EIF4EBP2: variants seen among roughly 807,000 people sequenced by gnomAD.
EIF4EBP2 encodes eukaryotic translation initiation factor 4E-binding protein 2.
In EIF4EBP2, 5 loss-of-function variants were observed where a neutral mutation model predicts 10.3. The observed-to-expected ratio is 0.48, with a 90% CI of 0.25 to 1.02. The LOEUF is 1.02. Ranked by LOEUF, EIF4EBP2 falls within the 50% of genes least tolerant of loss-of-function variation. The pLI, the probability that EIF4EBP2 is intolerant of heterozygous loss-of-function variation, is 0.15. For synonymous variants in EIF4EBP2, 67 were observed against 61.1 expected (o/e 1.10, Z -0.45); for missense variants, 188 against 162.2 (o/e 1.16, Z -0.86).
chr10:70,404,375 C>G lies in EIF4EBP2; in HGVS notation c.-27C>G. ...CCGCCGCCGCCGCCTGCCCGCCGGA[C>G]AAAGCCGAGAGCCCGCGCCCACAGC... On this transcript the variant is annotated 5_prime_UTR_variant, in exon 1 of 3. Transcript: ENST00000373218. 6.5e-7 allele frequency: 1 copy of G among 1,532,422 alleles called. No homozygotes were observed. The highest frequency in any genetic ancestry group is 8.7e-7 in the Non-Finnish European group (1 of 1,143,172). The allele number at this position is 1,532,422 out of a possible 1,614,324, so 94.9% of individuals were successfully genotyped here. A position where few individuals can be genotyped will look rare whatever the true frequency, so the allele number is the denominator to read the frequency against.
intron 1 of EIF4EBP2, among the ~76,000 whole-genome samples, chr10:70,408,591 C>G (rs180694768): frequency 3.9e-5 from 6 of 152,200 alleles, no homozygotes; most frequent in Non-Finnish European, 8.8e-5. Flanking sequence ...TCATCTTCCT[C>G]TCATCATGTA....
chr10:70,420,037 A>T lies in EIF4EBP2; in HGVS notation c.269A>T (p.Asp90Val), dbSNP rs763010351. The T allele has an allele frequency of 2.5e-6, 4 of 1,612,678 alleles. No homozygotes were observed. In the South Asian group the frequency reaches 4.4e-5, roughly 18 times the overall value. The change falls in exon 2 of 3, where the codon GAC becomes GTC. Residue 90 changes from aspartate to valine, a missense_variant. Physicochemically the swap from Asp to Val is radical, Grantham distance 152. Coordinates refer to ENST00000373218, the MANE Select transcript of EIF4EBP2 (RefSeq NM_004096.5). ...GVTSPGTLIE[D>V]SKVEVNNLNN... ...ACTAGCCCTGGCACCTTAATTGAAG[A>T]CTCCAAAGTAGAAGTAAACAATTTG...
chr10:70,404,530 C>CT lies in EIF4EBP2; in HGVS notation c.130dup (p.Ser44PhefsTer12). The CT allele has an allele frequency of 6.3e-7, 1 of 1,584,886 alleles. No homozygotes were observed. Among genetic ancestry groups the CT allele is most frequent in the Non-Finnish European group, 8.6e-7 (1 of 1,169,346 alleles). ...GCACCACGCCCGGGGGGACGCTCTTCTCCACCACACCGGGAGGTGAGCGCC... is the reference window on the plus strand; with the variant it reads ...GCACCACGCCCGGGGGGACGCTCTTCTTCCACCACACCGGGAGGTGAGCGCC... On this transcript the variant is annotated frameshift_variant, in exon 1 of 3. Coordinates refer to ENST00000373218, the MANE Select transcript of EIF4EBP2 (RefSeq NM_004096.5). LOFTEE classifies it high-confidence loss of function.
At chr10:70,408,917 A>C (rs1036761885) in intron 1 of EIF4EBP2, among the ~76,000 whole-genome samples, 1 of 152,218 alleles carries the variant, frequency 6.6e-6, no homozygotes, top group Non-Finnish European at 1.5e-5. Context: ...TTTAGTGGTA[A>C]GGGAGGGGAT....
rs996292181 is a variant in EIF4EBP2, at chr10:70,424,808, C to T, written c.*3061C>T. ...GTGTGGTTTATTGAGTTCAGCAGTT[C>T]TCATATTCTGTTTAAATAGGTACAG... On this transcript the variant is annotated 3_prime_UTR_variant, in exon 3 of 3. Coordinates refer to ENST00000373218, the MANE Select transcript of EIF4EBP2 (RefSeq NM_004096.5). 1 of 152,194 alleles carries T rather than the reference C, an allele frequency of 6.6e-6. No homozygotes were observed. Among genetic ancestry groups the T allele is most frequent in the African/African-American group, 2.4e-5 (1 of 41,430 alleles). The allele number at this position is 152,194 out of a possible 1,614,324, so 9.4% of individuals were successfully genotyped here.
intron 1 of EIF4EBP2, among the ~76,000 whole-genome samples, chr10:70,414,949 G>A (rs1223033591): frequency 6.6e-6 from 1 of 151,946 alleles, no homozygotes; most frequent in Non-Finnish European, 1.5e-5. Context: ...TTGAGCCCAG[G>A]AGTTCAAGAC....
At chr10:70,415,178 GAAAA>G (rs1310040445) in intron 1 of EIF4EBP2, among the ~76,000 whole-genome samples, 3 of 147,666 alleles carry the variant, frequency 2.0e-5, no homozygotes, top group Non-Finnish European at 4.5e-5. Flanking sequence ...AAAAAGAAAA[GAAAA>G]AGAAAGCAAT....
intron 1 of EIF4EBP2, among the ~76,000 whole-genome samples, chr10:70,413,019 C>T (rs1444750466): frequency 1.3e-5 from 2 of 152,148 alleles, no homozygotes; most frequent in Non-Finnish European, 2.9e-5. Context: ...TGCTGGCTAC[C>T]ATTGTTGCTG....
chr10:70,415,745 T>C (rs1056451514), intron 1 of EIF4EBP2, among the ~76,000 whole-genome samples: 1 of 152,218 alleles, frequency 6.6e-6, no homozygotes, highest in Admixed American at 6.5e-5. Flanking sequence ...GTGGACCAGA[T>C]GGCTCAAAGA....
intron 1 of EIF4EBP2, among the ~76,000 whole-genome samples, chr10:70,415,791 C>T (rs181858209): frequency 2.0e-5 from 3 of 152,016 alleles, no homozygotes; most frequent in African/African-American, 7.2e-5. Context: ...AATGTACAAC[C>T]TTTAGAAGAA....
rs144374688 is a variant in EIF4EBP2, at chr10:70,404,399, G to T, written c.-3G>T. The T allele has an allele frequency of 1.5e-5, 23 of 1,576,650 alleles. No individual in the cohort carries two copies. In the East Asian group the frequency reaches 5.6e-4, roughly 38 times the overall value. Reference sequence around the variant, plus strand: ...ACAAAGCCGAGAGCCCGCGCCCACAGCCATGTCCTCGTCAGCCGGCAGCGG... The same window carrying T: ...ACAAAGCCGAGAGCCCGCGCCCACATCCATGTCCTCGTCAGCCGGCAGCGG... On this transcript the variant is annotated 5_prime_UTR_variant, in exon 1 of 3. Transcript: ENST00000373218.
intron 1 of EIF4EBP2, among the ~76,000 whole-genome samples, chr10:70,412,943 A>G (rs1845060132): frequency 6.6e-6 from 1 of 152,232 alleles, no homozygotes; most frequent in South Asian, 2.1e-4. Flanking sequence ...TGAAACTTCA[A>G]CAATGTAAAA....
In EIF4EBP2 at chr10:70,404,417, G is replaced by A; in HGVS notation, c.16G>A (p.Gly6Ser). 1 of 1,587,280 alleles carries A rather than the reference G, an allele frequency of 6.3e-7. No homozygotes were observed. Among genetic ancestry groups the A allele is most frequent in the Non-Finnish European group, 8.5e-7 (1 of 1,169,828 alleles). ...GCCCACAGCCATGTCCTCGTCAGCC[G>A]GCAGCGGCCACCAGCCCAGCCAGAG... MSSSAGSGHQPSQSRA... is the reference protein window; with the variant it reads MSSSASSGHQPSQSRA... The change falls in exon 1 of 3, where the codon GGC (glycine) becomes AGC (serine). Residue 6 changes from glycine to serine, a missense_variant. Transcript: ENST00000373218.
chr10:70,410,789 T>C (rs567893038), intron 1 of EIF4EBP2, among the ~76,000 whole-genome samples: 2 of 152,394 alleles, frequency 1.3e-5, no homozygotes, highest in African/African-American at 4.8e-5. Context: ...TGCTGCTTGT[T>C]CATCTTGTAT....
In EIF4EBP2 at chr10:70,424,402, A is replaced by G. The variant is rs1845186812; in HGVS notation, c.*2655A>G. 1 of 152,142 alleles carries G rather than the reference A, an allele frequency of 6.6e-6. No individual in the cohort carries two copies. Among genetic ancestry groups the G allele is most frequent in the Non-Finnish European group, 1.5e-5 (1 of 68,028 alleles). 9.4% of individuals were successfully genotyped at this position (152,142 alleles called of 1,614,324 possible). ...TACTAGACAGTCTTTCTTTTATCTT[A>G]TGGAGATAAATTGGCATTTAAAAAA... On this transcript the variant is annotated 3_prime_UTR_variant, in exon 3 of 3. Transcript: ENST00000373218.
intron 1 of EIF4EBP2, among the ~76,000 whole-genome samples, chr10:70,414,589 C>T (rs566690676): frequency 6.6e-6 from 1 of 152,098 alleles, no homozygotes; most frequent in Middle Eastern, 3.2e-3. Flanking sequence ...TGTTTTTGGC[C>T]CAGCACAGTG....
Position 70,404,243 on chromosome 10 carries a change from G to T in EIF4EBP2, c.-159G>T. The T allele has an allele frequency of 1.1e-6, 1 of 912,076 alleles. No individual in the cohort carries two copies. Among genetic ancestry groups the T allele is most frequent in the Non-Finnish European group, 1.5e-6 (1 of 666,408 alleles). The allele number at this position is 912,076 out of a possible 1,614,324, so 56.5% of individuals were successfully genotyped here. ...GAGCGGCGGCGGCGGCGGCGGCTGA[G>T]AGGGCGGCGGCGGGAGCGGAGCGGG... On this transcript the variant is annotated 5_prime_UTR_variant, in exon 1 of 3. Transcript: ENST00000373218.
At position 70,422,295 on chromosome 10, in the gene EIF4EBP2, C is replaced by G. The variant is rs1845166232; in HGVS notation, c.*548C>G. 1 of 152,818 alleles carries G rather than the reference C, an allele frequency of 6.5e-6. No homozygotes were observed. The highest frequency in any genetic ancestry group is 6.5e-5 in the Admixed American group (1 of 15,396). The allele number at this position is 152,818 out of a possible 1,614,324, so 9.5% of individuals were successfully genotyped here. A position where few individuals can be genotyped will look rare whatever the true frequency, so the allele number is the denominator to read the frequency against. The stretch of plus-strand genomic sequence containing the variant: ...AATGATAAAAAGAGAGCTGCTTTCC[C>G]TTTTACCTTGAGGTATTCGTCCCTC... On this transcript the variant is annotated 3_prime_UTR_variant, in exon 3 of 3. Coordinates refer to ENST00000373218, the MANE Select transcript of EIF4EBP2 (RefSeq NM_004096.5).
chr10:70,413,536 A>G (rs1299103799), intron 1 of EIF4EBP2, among the ~76,000 whole-genome samples: 2 of 144,678 alleles, frequency 1.4e-5, no homozygotes, highest in African/African-American at 5.1e-5. Flanking sequence ...TGAGCCCAGG[A>G]GGTCAAGGTT....
Sources: gnomAD v4.1 joint callset for allele counts (sites outside exome capture counted in the v4.1 genomes callset) on GRCh38, gnomAD v4.1.1 for gene constraint, MANE v1.5 for transcripts, NCBI Gene and HGNC (gene_info 2026-07-23, HGNC 2026-07-21) for gene names.